The following DLG2 variants were observed in gnomAD, a reference collection of about 807,000 sequenced individuals.
DLG2 encodes disks large homolog 2.
Under a neutral mutation model 132.5 loss-of-function variants are expected in DLG2, and 45 were observed. The observed-to-expected ratio is 0.34, with a 90% CI of 0.27 to 0.44. The LOEUF is 0.44. DLG2 is among the 20% of genes least tolerant of loss of function. The pLI is 1.00. For synonymous variants in DLG2, 424 were observed against 419.6 expected (o/e 1.01, Z -0.13); for missense variants, 1,045 against 1,196.9 (o/e 0.87, Z 1.87).
intron 18 of DLG2, among the ~76,000 whole-genome samples, chr11:83,733,157 C>T (rs1470436213): frequency 7.2e-6 from 1 of 139,146 alleles, no homozygotes; most frequent in African/African-American, 2.7e-5. Flanking sequence ...AGGAGAATCA[C>T]TTGAACTTGG....
At chr11:85,118,146 C>A (rs1255389548) in intron 5 of DLG2, among the ~76,000 whole-genome samples, 1 of 152,028 alleles carries the variant, frequency 6.6e-6, no homozygotes, top group Non-Finnish European at 1.5e-5. Context: ...TCTCAGGCTT[C>A]AAAAGATGTT....
At chr11:83,610,815 T>G (rs1401319344) in intron 19 of DLG2, among the ~76,000 whole-genome samples, 1 of 152,206 alleles carries the variant, frequency 6.6e-6, no homozygotes, top group East Asian at 1.9e-4. Flanking sequence ...ACTCTTGTTA[T>G]CCACAATAGA....
intron 6 of DLG2, among the ~76,000 whole-genome samples, chr11:84,670,181 T>A (rs1393499923): frequency 6.6e-6 from 1 of 152,060 alleles, no homozygotes; most frequent in Non-Finnish European, 1.5e-5. Flanking sequence ...TTGATCGCAT[T>A]TACACCATTC....
chr11:85,000,498 C>G (rs1279244760), intron 6 of DLG2, among the ~76,000 whole-genome samples: 1 of 152,120 alleles, frequency 6.6e-6, no homozygotes, highest in Non-Finnish European at 1.5e-5. Flanking sequence ...TCTCTGTTTC[C>G]TCATCTATAC....
At chr11:84,088,671 C>G (rs2097034882) in intron 10 of DLG2, among the ~76,000 whole-genome samples, 1 of 152,118 alleles carries the variant, frequency 6.6e-6, no homozygotes, top group Non-Finnish European at 1.5e-5. Flanking sequence ...TCCAAGTACT[C>G]TATAAATACA....
intron 4 of DLG2, among the ~76,000 whole-genome samples, chr11:85,224,851 A>G (rs2074877773): frequency 6.6e-6 from 1 of 152,158 alleles, no homozygotes; most frequent in African/African-American, 2.4e-5. Flanking sequence ...AGCAGACAAA[A>G]CTGTGTTTAG....
intron 6 of DLG2, among the ~76,000 whole-genome samples, chr11:84,876,603 A>G (rs960911928): frequency 8.6e-5 from 13 of 151,644 alleles, no homozygotes; most frequent in Admixed American, 4.6e-4. Context: ...GTAGCTGTCT[A>G]TTTGTTTTGT....
intron 9 of DLG2, among the ~76,000 whole-genome samples, chr11:84,162,018 G>T (rs2095557792): frequency 6.6e-6 from 1 of 152,112 alleles, no homozygotes; most frequent in Non-Finnish European, 1.5e-5. Flanking sequence ...ATAAAAATCA[G>T]CCTGAAGATG....
chr11:84,438,315 G>T (rs1399325934), intron 7 of DLG2, among the ~76,000 whole-genome samples: 1 of 152,180 alleles, frequency 6.6e-6, no homozygotes, highest in Non-Finnish European at 1.5e-5. Context: ...CCAAATGCCT[G>T]AGTGAAGGTC....
intron 16 of DLG2, among the ~76,000 whole-genome samples, chr11:83,851,582 G>C (rs1455995091): frequency 6.7e-6 from 1 of 148,486 alleles, no homozygotes. Flanking sequence ...AGCGGAGATG[G>C]AGCCATTGCA....
At chr11:84,545,314 T>C (rs2099387470) in intron 6 of DLG2, 1 of 510,058 alleles carries the variant, frequency 2.0e-6, no homozygotes, top group African/African-American at 1.9e-5. Context: ...AAAATCACTG[T>C]AGCTTCCTTC....
At chr11:83,478,956 CT>C (rs1232035693) in intron 22 of DLG2, among the ~76,000 whole-genome samples, 1 of 151,734 alleles carries the variant, frequency 6.6e-6, no homozygotes, top group East Asian at 1.9e-4. Flanking sequence ...AATTTTTTTT[CT>C]GAAATTAGGA....
intron 18 of DLG2, among the ~76,000 whole-genome samples, chr11:83,672,828 C>A (rs1158205321): frequency 6.6e-6 from 1 of 152,026 alleles, no homozygotes; most frequent in Non-Finnish European, 1.5e-5. Flanking sequence ...TTTGGGAGGC[C>A]GAGGCGGGTG....
intron 3 of DLG2, among the ~76,000 whole-genome samples, chr11:85,526,655 C>T (rs961765762): frequency 2.0e-5 from 3 of 152,092 alleles, no homozygotes; most frequent in Non-Finnish European, 4.4e-5. Flanking sequence ...TTTTACTGTG[C>T]TAAGGGAAAC....
chr11:83,609,980 T>A (rs565864380), intron 19 of DLG2, among the ~76,000 whole-genome samples: 2 of 152,324 alleles, frequency 1.3e-5, no homozygotes, highest in South Asian at 4.1e-4. Context: ...TTGGGAAAGC[T>A]GAGAATTATT....
chr11:85,509,582 T>G (rs1292584822), intron 3 of DLG2, among the ~76,000 whole-genome samples: 1 of 152,110 alleles, frequency 6.6e-6, no homozygotes, highest in Non-Finnish European at 1.5e-5. Flanking sequence ...GTCTCAACAT[T>G]TTTTAAAGAA....
intron 6 of DLG2, among the ~76,000 whole-genome samples, chr11:85,083,836 C>A (rs1000662565): frequency 6.6e-6 from 1 of 152,038 alleles, no homozygotes; most frequent in South Asian, 2.1e-4. Flanking sequence ...AATGTTAATG[C>A]TGGTCAGTTG....
At chr11:83,994,194 T>C (rs2093891357) in intron 11 of DLG2, among the ~76,000 whole-genome samples, 1 of 152,158 alleles carries the variant, frequency 6.6e-6, no homozygotes, top group Non-Finnish European at 1.5e-5. Context: ...ATTTAGAACA[T>C]TTAACAGCTG....
At chr11:84,841,663 A>C (rs1185554695) in intron 6 of DLG2, among the ~76,000 whole-genome samples, 1 of 152,028 alleles carries the variant, frequency 6.6e-6, no homozygotes, top group East Asian at 1.9e-4. Context: ...TGAAAAACAC[A>C]CCACTGAACA....
Sources: gnomAD v4.1 joint callset for allele counts (sites outside exome capture counted in the v4.1 genomes callset) on GRCh38, gnomAD v4.1.1 for gene constraint, MANE v1.5 for transcripts, NCBI Gene and HGNC (gene_info 2026-07-23, HGNC 2026-07-21) for gene names.